The following CNTN5 variants were observed in gnomAD, a reference collection of about 807,000 sequenced individuals.
CNTN5 encodes the protein contactin-5.
In CNTN5, 77 loss-of-function variants were observed where a neutral mutation model predicts 129.1. The observed-to-expected ratio is 0.60, with a 90% CI of 0.50 to 0.72. The LOEUF (loss-of-function observed/expected upper bound fraction) is 0.72, where lower values mean the gene tolerates loss of function less well. Among genes scored for constraint, CNTN5 ranks in the 30% least tolerant of loss-of-function variants. The probability of loss-of-function intolerance (pLI) is 0.00; values close to 1 mark genes in which losing one functional copy is unlikely to be tolerated. For missense variants in CNTN5, 1,478 were observed against 1,328.8 expected, an observed-to-expected ratio of 1.11 and a Z score of -1.75; for synonymous variants, 509 against 465.6, an observed-to-expected ratio of 1.09 and a Z score of -1.20.
chr11:99,489,296 T>C (rs1945941907), intron 2 of CNTN5, among the ~76,000 whole-genome samples: 1 of 152,164 alleles, frequency 6.6e-6, no homozygotes, highest in Admixed American at 6.5e-5. Context: ...GTCATGTAAC[T>C]GGATAAAAAT....
chr11:99,087,825 GT>G (rs1225384662), intron 1 of CNTN5, among the ~76,000 whole-genome samples: 2 of 152,276 alleles, frequency 1.3e-5, no homozygotes, highest in Middle Eastern at 3.4e-3. Context: ...AAATGAGAAA[GT>G]AAATAAATTT....
chr11:99,202,832 T>C (rs888946098), intron 1 of CNTN5, among the ~76,000 whole-genome samples: 4 of 151,716 alleles, frequency 2.6e-5, no homozygotes, highest in South Asian at 2.1e-4. Flanking sequence ...TGAATACTTC[T>C]AGGTATTAAA....
intron 2 of CNTN5, among the ~76,000 whole-genome samples, chr11:99,477,252 T>G (rs981189356): frequency 1.4e-4 from 21 of 152,016 alleles, no homozygotes; most frequent in Non-Finnish European, 2.8e-4. Flanking sequence ...TTTTAAAAAA[T>G]AATTTAGTAC....
At chr11:99,243,819 G>T (rs1018631118) in intron 1 of CNTN5, among the ~76,000 whole-genome samples, 9 of 145,728 alleles carry the variant, frequency 6.2e-5, no homozygotes, top group African/African-American at 2.3e-4. Context: ...CTATTGGTCT[G>T]TATGCCTTTT....
rs568885749 is a variant in CNTN5, at chr11:99,802,331, C to G, written c.56-17213C>G. Among the ~76,000 whole-genome samples the G allele has an allele frequency of 2.0e-5, 3 of 152,264 alleles. No individual in the cohort carries two copies. In the South Asian group the frequency reaches 6.2e-4, roughly 32 times the overall value. On this transcript the variant is annotated intron_variant, in intron 3 of 24. Coordinates refer to ENST00000524871, the MANE Select transcript of CNTN5 (RefSeq NM_014361.4). ...GGAATGAGCTGATTTGTGGAGTACA[C>G]AGTTTTCTGAACTGCCTGATTAACT...
At chr11:99,973,938 C>T (rs1435115573) in intron 8 of CNTN5, among the ~76,000 whole-genome samples, 1 of 152,144 alleles carries the variant, frequency 6.6e-6, no homozygotes, top group African/African-American at 2.4e-5. Context: ...AGTGTTGTGT[C>T]TTCAAAGTAG....
At chr11:99,695,032 G>C (rs1263189599) in intron 3 of CNTN5, among the ~76,000 whole-genome samples, 1 of 152,012 alleles carries the variant, frequency 6.6e-6, no homozygotes, top group Non-Finnish European at 1.5e-5. Flanking sequence ...CAGTCTGGTA[G>C]CATATTACAA....
chr11:100,340,696 C>A, intron 22 of CNTN5, 47 bp downstream of exon 22: 1 of 1,495,736 alleles, frequency 6.7e-7, no homozygotes, highest in Non-Finnish European at 9.0e-7. Flanking sequence ...GGGGAAACAT[C>A]GTATAACATT....
intron 16 of CNTN5, among the ~76,000 whole-genome samples, chr11:100,243,511 AT>A: frequency 6.6e-6 from 1 of 152,168 alleles, no homozygotes; most frequent in East Asian, 1.9e-4. Context: ...CTTCTCATTT[AT>A]GGAGCCTTGC....
chr11:100,333,068 G>T (rs1001032379), intron 21 of CNTN5, among the ~76,000 whole-genome samples: 5 of 151,984 alleles, frequency 3.3e-5, no homozygotes, highest in African/African-American at 7.2e-5. Context: ...ACGGATAAAT[G>T]AATTCATCAT....
chr11:100,319,354 T>C (rs1017468414), intron 21 of CNTN5, among the ~76,000 whole-genome samples: 37 of 152,090 alleles, frequency 2.4e-4, no homozygotes, highest in Non-Finnish European at 5.3e-4. Flanking sequence ...GGTTTCACCA[T>C]GTTGCCCAGG....
At chr11:100,152,283 T>C (rs1442716951) in intron 13 of CNTN5, among the ~76,000 whole-genome samples, 1 of 152,118 alleles carries the variant, frequency 6.6e-6, no homozygotes, top group Non-Finnish European at 1.5e-5. Context: ...GGTAGCCTTA[T>C]TACAAACAGA....
chr11:99,932,091 TA>T (rs1250535386), intron 7 of CNTN5, among the ~76,000 whole-genome samples: 10 of 152,248 alleles, frequency 6.6e-5, no homozygotes, highest in African/African-American at 2.4e-4. Context: ...TTACTCACTG[TA>T]TTCATTTTTT....
intron 9 of CNTN5, among the ~76,000 whole-genome samples, chr11:100,012,737 A>C (rs1400399650): frequency 1.3e-5 from 2 of 152,200 alleles, no homozygotes; most frequent in African/African-American, 2.4e-5. Context: ...ACTTTGTCAC[A>C]GCAAACATTA....
chr11:99,703,221 T>A (rs1442297225), intron 3 of CNTN5, among the ~76,000 whole-genome samples: 1 of 140,368 alleles, frequency 7.1e-6, no homozygotes, highest in Non-Finnish European at 1.5e-5. Flanking sequence ...ATCAAAGGTA[T>A]TTGGGGTTTT....
intron 4 of CNTN5, among the ~76,000 whole-genome samples, chr11:99,828,451 CAGTG>C (rs1301291839): frequency 5.9e-5 from 9 of 152,142 alleles, no homozygotes; most frequent in East Asian, 3.8e-4. Context: ...AGGGCAGAGA[CAGTG>C]AGAGCAAGAA....
intron 18 of CNTN5, among the ~76,000 whole-genome samples, chr11:100,289,378 G>A (rs537750758): frequency 3.2e-4 from 49 of 151,668 alleles, no homozygotes; most frequent in Admixed American, 6.6e-4. Flanking sequence ...CTGGCAAACC[G>A]AATCCAGCAG....
chr11:99,491,897 A>C (rs1946049629), intron 2 of CNTN5, among the ~76,000 whole-genome samples: 1 of 152,220 alleles, frequency 6.6e-6, no homozygotes, highest in Non-Finnish European at 1.5e-5. Context: ...AATCACAGGA[A>C]GGAAAGATAA....
chr11:99,212,446 T>A (rs973097062), intron 1 of CNTN5, among the ~76,000 whole-genome samples: 2 of 151,868 alleles, frequency 1.3e-5, no homozygotes, highest in Non-Finnish European at 2.9e-5. Flanking sequence ...ATACCTACAC[T>A]TTCCTTGCAC....
Sources: gnomAD v4.1 joint callset for allele counts (sites outside exome capture counted in the v4.1 genomes callset) on GRCh38, gnomAD v4.1.1 for gene constraint, MANE v1.5 for transcripts, NCBI Gene and HGNC (gene_info 2026-07-23, HGNC 2026-07-21) for gene names.